The following FOXK2 variants were observed in gnomAD, a reference collection of about 807,000 sequenced individuals.
FOXK2 encodes forkhead box K2, also known as forkhead box protein K2.
In FOXK2, 24 loss-of-function variants were observed where a neutral mutation model predicts 53.3. That is an observed-to-expected ratio of 0.45 (90% CI 0.33 to 0.63). The LOEUF is 0.63. Among genes scored for constraint, FOXK2 ranks in the 30% least tolerant of loss-of-function variants. The pLI, the probability that FOXK2 is intolerant of heterozygous loss-of-function variation, is 0.03. For missense variants in FOXK2, 952 were observed against 910.5 expected, an observed-to-expected ratio of 1.05 and a Z score of -0.59; for synonymous variants, 505 against 407.1, an observed-to-expected ratio of 1.24 and a Z score of -2.89.
chr17:82,545,438 A>G (rs1225060071), intron 1 of FOXK2, among the ~76,000 whole-genome samples: 1 of 152,158 alleles, frequency 6.6e-6, no homozygotes, highest in East Asian at 1.9e-4. Context: ...GGCCATTCTC[A>G]TTACTGGAAA....
intron 8 of FOXK2, chr17:82,599,508 CAG>C (rs1037752086): frequency 3.3e-5 from 5 of 152,334 alleles, no homozygotes; most frequent in Non-Finnish European, 7.3e-5. Flanking sequence ...ACACTGTTGA[CAG>C]GGGTTTGGCT....
At chr17:82,573,562 T>TCTCTCTCACACACACA (rs1185597025) in intron 4 of FOXK2, among the ~76,000 whole-genome samples, 1 of 83,316 alleles carries the variant, frequency 1.2e-5, no homozygotes, top group African/African-American at 4.5e-5. Flanking sequence ...TCTCTCTCTC[T>TCTCTCTCACACACACA]CACACACACA....
intron 1 of FOXK2, among the ~76,000 whole-genome samples, chr17:82,534,717 T>C (rs868053035): frequency 9.2e-5 from 14 of 152,370 alleles, no homozygotes; most frequent in African/African-American, 3.4e-4. Context: ...CACTCACTCC[T>C]GTTCCTGTCT....
Position 82,571,817 on chromosome 17 carries a change from A to G in FOXK2, c.856A>G (p.Thr286Ala). Residue 286 changes from threonine (T) to alanine (A), a missense_variant, in exon 4 of 9, where the codon ACA (threonine) becomes GCA (alanine). Thr to Ala is a moderately conservative substitution (Grantham distance 58). Around this residue, in one of 5 missense-constraint regions of FOXK2, gnomAD observed 160 missense variants for 214.2 expected, o/e 0.75. Coordinates refer to ENST00000335255, the MANE Select transcript of FOXK2 (RefSeq NM_004514.4). The part of the protein sequence containing the change: ...DKQLTLNGIY[T>A]HITKNYPYYR... ...ACAGCTCACCCTGAACGGGATTTAT[A>G]CACACATCACTAAAAATTATCCCTA... is the stretch of plus-strand genomic sequence containing the variant. 6.2e-7 allele frequency: 1 copy of G among 1,603,282 alleles called. No individual in the cohort carries two copies. The highest frequency in any genetic ancestry group is 8.5e-7 in the Non-Finnish European group (1 of 1,176,290).
chr17:82,573,552 TCTCTCTCTCTCACACACACA>T (rs1159133059), intron 4 of FOXK2, among the ~76,000 whole-genome samples: 1 of 107,346 alleles, frequency 9.3e-6, no homozygotes. Context: ...TCTCTCTCTC[TCTCTCTCTCTCACACACACA>T]CACACACACA....
chr17:82,602,395 T>C lies in FOXK2; in HGVS notation c.*896T>C, dbSNP rs2045396337. On this transcript the variant is annotated 3_prime_UTR_variant, in exon 9 of 9. Transcript: ENST00000335255. Reference sequence around the variant, plus strand: ...TGAGTAAAACAAGTCTCCTAAGTATTGTGTATGTTTAAAACGACAGAACCA... The same window carrying C: ...TGAGTAAAACAAGTCTCCTAAGTATCGTGTATGTTTAAAACGACAGAACCA... 6.6e-6 allele frequency: 1 copy of C among 152,236 alleles called. No homozygotes were observed. The highest frequency in any genetic ancestry group is 1.5e-5 in the Non-Finnish European group (1 of 68,042). The allele number at this position is 152,236 out of a possible 1,614,324, so 9.4% of individuals were successfully genotyped here. A position where few individuals can be genotyped will look rare whatever the true frequency, so the allele number is the denominator to read the frequency against.
chr17:82,533,619 C>T (rs1265435484), intron 1 of FOXK2, among the ~76,000 whole-genome samples: 1 of 152,150 alleles, frequency 6.6e-6, no homozygotes, highest in Non-Finnish European at 1.5e-5. Flanking sequence ...GGTTCGTTGA[C>T]ACCAGCATCA....
intron 8 of FOXK2, among the ~76,000 whole-genome samples, chr17:82,590,936 C>T (rs1002733994): frequency 3.9e-5 from 6 of 152,144 alleles, no homozygotes; most frequent in African/African-American, 7.2e-5. Context: ...GGGCTGCCTG[C>T]CCTAAGGGGG....
chr17:82,531,447 T>G (rs4789782), intron 1 of FOXK2, among the ~76,000 whole-genome samples: 65,809 of 152,002 alleles, frequency 0.43, 14,454 homozygotes, highest in South Asian at 0.55. Context: ...ATCACTTAAC[T>G]GTGGAAATCA....
At chr17:82,528,059 A>G (rs189375619) in intron 1 of FOXK2, among the ~76,000 whole-genome samples, 104 of 152,226 alleles carry the variant, frequency 6.8e-4, no homozygotes, top group African/African-American at 2.4e-3. Context: ...CAGTCTGCCA[A>G]AGTGCTGGGA....
chr17:82,551,276 C>T (rs1599892129), intron 1 of FOXK2, among the ~76,000 whole-genome samples: 1 of 151,808 alleles, frequency 6.6e-6, no homozygotes, highest in South Asian at 2.1e-4. Flanking sequence ...TAGATTGCAC[C>T]TCTGCACTCC....
chr17:82,559,419 T>G (rs1176271563), intron 1 of FOXK2: 1 of 456,250 alleles, frequency 2.2e-6, no homozygotes, highest in Non-Finnish European at 4.4e-6. Flanking sequence ...CCAAGCACCT[T>G]GCCCTGTTTG....
In FOXK2 at chr17:82,584,264, A is replaced by T. The variant is rs924685967; in HGVS notation, c.1279+76A>T. On this transcript the variant is annotated intron_variant, in intron 6 of 8. Transcript: ENST00000335255. Reference sequence around the variant, plus strand: ...GGACGCCTGGGCTCCACAGAGAAGAAACAGCCGGACTGGAGGCCTGCCTGT... The same window carrying T: ...GGACGCCTGGGCTCCACAGAGAAGATACAGCCGGACTGGAGGCCTGCCTGT... 12 of 1,433,834 alleles carry T rather than the reference A, an allele frequency of 8.4e-6. No individual in the cohort carries two copies. In the African/African-American group the frequency reaches 1.6e-4, roughly 19 times the overall value. The allele number at this position is 1,433,834 out of a possible 1,614,324, so 88.8% of individuals were successfully genotyped here.
chr17:82,550,658 A>T (rs1310320999), intron 1 of FOXK2, among the ~76,000 whole-genome samples: 2 of 151,730 alleles, frequency 1.3e-5, no homozygotes, highest in African/African-American at 4.8e-5. Context: ...GCCCGCCACC[A>T]CGCCCGGCTA....
intron 2 of FOXK2, among the ~76,000 whole-genome samples, chr17:82,564,734 GTT>G (rs11452758): frequency 3.6e-5 from 5 of 138,022 alleles, no homozygotes; most frequent in Non-Finnish European, 4.7e-5. Flanking sequence ...TAGTCAAATG[GTT>G]TTTTTTTTTT....
chr17:82,583,884 C>T, intron 5 of FOXK2, 129 bp from the exon 6 acceptor site: 1 of 952,560 alleles, frequency 1.0e-6, no homozygotes, highest in Non-Finnish European at 1.5e-6. Context: ...AGACGTAGAA[C>T]TTACACAACA....
intron 1 of FOXK2, among the ~76,000 whole-genome samples, chr17:82,522,776 C>T (rs9898429): frequency 0.22 from 33,903 of 152,032 alleles, 4,118 homozygotes; most frequent in East Asian, 0.39. Context: ...GATAAGTTGA[C>T]CTTTCAGTGA....
chr17:82,541,011 G>A (rs1266722668), intron 1 of FOXK2, among the ~76,000 whole-genome samples: 2 of 152,070 alleles, frequency 1.3e-5, no homozygotes, highest in Non-Finnish European at 2.9e-5. Context: ...TGTGGCGTGT[G>A]GCTGCTGCTT....
In FOXK2 at chr17:82,562,436, C is replaced by T. The variant is rs760433292; in HGVS notation, c.420-918C>T. Reference sequence around the variant, plus strand: ...TCTCTGCTAAAAATACGAAATTAGCCGGGCGTGGTAGTGCATGCCTGTAAT... The same window carrying T: ...TCTCTGCTAAAAATACGAAATTAGCTGGGCGTGGTAGTGCATGCCTGTAAT... On this transcript the variant is annotated intron_variant, in intron 1 of 8. Coordinates refer to ENST00000335255, the MANE Select transcript of FOXK2 (RefSeq NM_004514.4). Among the ~76,000 whole-genome samples, 19 of 152,186 alleles carry T rather than the reference C, an allele frequency of 1.2e-4. No homozygotes were observed. In the South Asian group the frequency reaches 3.1e-3, roughly 25 times the overall value.
Sources: allele counts gnomAD v4.1 joint callset (sites outside exome capture counted in the v4.1 genomes callset), GRCh38; gene constraint gnomAD v4.1.1; regional missense constraint gnomAD v4.1.1; transcripts MANE v1.5; gene names NCBI Gene and HGNC (gene_info 2026-07-23, HGNC 2026-07-21).